The following SREBF1 variants were observed in gnomAD, a reference collection of about 807,000 sequenced individuals.
SREBF1 encodes the protein sterol regulatory element-binding protein 1.
Under a neutral mutation model 100.1 loss-of-function variants are expected in SREBF1, and 45 were observed. That is an observed-to-expected ratio of 0.45 (90% CI 0.35 to 0.58). The LOEUF (loss-of-function observed/expected upper bound fraction) is 0.58, where lower values mean the gene tolerates loss of function less well. Among genes scored for constraint, SREBF1 ranks in the 20% least tolerant of loss-of-function variants. The pLI is 0.00. For missense variants in SREBF1, 1,324 were observed against 1,539.4 expected, an observed-to-expected ratio of 0.86 and a Z score of 2.34; for synonymous variants, 657 against 681.8, an observed-to-expected ratio of 0.96 and a Z score of 0.57.
At chr17:17,828,082 G>A (rs1423209485) in intron 1 of SREBF1, among the ~76,000 whole-genome samples, 1 of 152,184 alleles carries the variant, frequency 6.6e-6, no homozygotes, top group African/African-American at 2.4e-5. Context: ...GCTGACCACA[G>A]CAGGGACCCC....
chr17:17,834,858 C>CA (rs1033507411), intron 1 of SREBF1, among the ~76,000 whole-genome samples: 1 of 152,084 alleles, frequency 6.6e-6, no homozygotes, highest in Non-Finnish European at 1.5e-5. Flanking sequence ...ACTAAAAATA[C>CA]AAAAAATTAG....
chr17:17,817,526 G>C lies in SREBF1; in HGVS notation c.1405-69C>G, dbSNP rs568941442. 1.7e-5 allele frequency: 26 copies of C among 1,540,756 alleles called. No individual in the cohort carries two copies. Among genetic ancestry groups the C allele is most frequent in the Middle Eastern group, 1.7e-4 (1 of 5,966 alleles). On this transcript the variant is annotated intron_variant, in intron 7 of 18. Coordinates refer to ENST00000261646, the MANE Select transcript of SREBF1 (RefSeq NM_004176.5). The surrounding 1 kb of genome is among the most constrained non-coding windows in gnomAD (Gnocchi z 6.6). ...CCCAGAGAGCATGGGGCTGGGAAGG[G>C]GGGGGTCAGGATTCTGCCCACCTTA...
Position 17,820,295 on chromosome 17 carries a change from T to G in SREBF1, c.318A>C (p.Pro106=). ...CGGGCATGGACGGGTACATCTTCAA[T>G]GGAGTGGGTGCAGGCTGGGGAGGGG... The part of the protein sequence containing the change: ...PLSPPQPAPT[P]LKMYPSMPAF... The change falls in exon 2 of 19, where the codon CCA becomes CCC. Residue 106 remains proline, a synonymous_variant. Transcript: ENST00000261646. 6.2e-7 allele frequency: 1 copy of G among 1,613,714 alleles called. No individual in the cohort carries two copies. The highest frequency in any genetic ancestry group is 8.5e-7 in the Non-Finnish European group (1 of 1,179,910).
chr17:17,832,875 C>T (rs867653088), intron 1 of SREBF1, among the ~76,000 whole-genome samples: 64 of 151,562 alleles, frequency 4.2e-4, no homozygotes, highest in African/African-American at 1.5e-3. Context: ...GAGCCGAGAT[C>T]GCGCCACTGC....
At chr17:17,818,040 G>C (rs1057351539) in intron 6 of SREBF1, 124 bp from the exon 7 acceptor site, 46 of 1,123,250 alleles carry the variant, frequency 4.1e-5, no homozygotes, top group South Asian at 1.3e-5. Context: ...CGCTTTGATG[G>C]GGCTGGGTTA....
intron 9 of SREBF1, 84 bp from the exon 10 acceptor site, chr17:17,816,802 T>C: frequency 6.4e-7 from 1 of 1,573,842 alleles, no homozygotes; most frequent in Non-Finnish European, 8.6e-7. Context: ...CAGCAGGCTC[T>C]GGAGGGGTGG....
chr17:17,833,966 G>C (rs2035065998), intron 1 of SREBF1, among the ~76,000 whole-genome samples: 1 of 149,554 alleles, frequency 6.7e-6, no homozygotes, highest in Admixed American at 6.7e-5. Flanking sequence ...GCGAGACCCT[G>C]TCTCAAAAAA....
chr17:17,814,851 G>A lies in SREBF1; in HGVS notation c.2586C>T (p.Ser862=), dbSNP rs2033375886. The change falls in exon 14 of 19, where the codon AGC becomes AGT. Residue 862 remains serine (S), a synonymous_variant. Coordinates refer to ENST00000261646, the MANE Select transcript of SREBF1 (RefSeq NM_004176.5). ...GGGACTCACCGGTGGTGGTGGCCATGCTGGAACTGATGGAGAAGCTGTAGG... is the reference window on the plus strand; with the variant it reads ...GGGACTCACCGGTGGTGGTGGCCATACTGGAACTGATGGAGAAGCTGTAGG... ...APAYSFSISS[S]MATTTGVDPV... The A allele has an allele frequency of 6.3e-7, 1 of 1,594,696 alleles. No homozygotes were observed. The highest frequency in any genetic ancestry group is 2.3e-5 in the East Asian group (1 of 44,220).
rs1171278509 is a variant in SREBF1 at position 17,832,058 on chromosome 17, G to A, written c.91+4669C>T. On this transcript the variant is annotated intron_variant, in intron 1 of 18. Transcript: ENST00000261646. ...GGCCCCCAGAGTAGCCCCTGTGGAGGAGCCTCCCTCAACCCCTCATCCCCA... is the reference window on the plus strand; with the variant it reads ...GGCCCCCAGAGTAGCCCCTGTGGAGAAGCCTCCCTCAACCCCTCATCCCCA... Among the ~76,000 whole-genome samples the A allele has an allele frequency of 5.9e-5, 9 of 152,272 alleles. No homozygotes were observed. In the East Asian group the frequency reaches 1.4e-3, roughly 23 times the overall value.
At position 17,819,532 on chromosome 17, in the gene SREBF1, C is replaced by A. The variant is rs746010358; in HGVS notation, c.711+6G>T. On this transcript the variant is annotated splice_donor_region_variant and intron_variant, in intron 3 of 18. Coordinates refer to ENST00000261646, the MANE Select transcript of SREBF1 (RefSeq NM_004176.5). ...CCCTCCCCAACCCCTGGCCAGACCC[C>A]CTCACCGGGACCTGCTGGATCTGCG... is the stretch of plus-strand genomic sequence containing the variant. 1 of 1,613,580 alleles carries A rather than the reference C, an allele frequency of 6.2e-7. No individual in the cohort carries two copies. The highest frequency in any genetic ancestry group is 1.1e-5 in the South Asian group (1 of 91,072).
chr17:17,833,480 C>T (rs1292675511), intron 1 of SREBF1, among the ~76,000 whole-genome samples: 1 of 126,632 alleles, frequency 7.9e-6, no homozygotes, highest in African/African-American at 3.3e-5. Flanking sequence ...TATATACACA[C>T]ACACATACAG....
chr17:17,815,532 A>C, intron 12 of SREBF1: 1 of 600,042 alleles, frequency 1.7e-6, no homozygotes, highest in Non-Finnish European at 3.0e-6. Flanking sequence ...AGGAGACAAC[A>C]CTGAGGCCTG....
At chr17:17,813,892 C>A (rs1219101129) in intron 16 of SREBF1, 123 bp from the exon 17 acceptor site, 1 of 1,039,008 alleles carries the variant, frequency 9.6e-7, no homozygotes, top group Non-Finnish European at 1.4e-6. Flanking sequence ...CCGCCTCACA[C>A]ACGTGCAATG....
At chr17:17,825,550 G>T (rs1193770428) in intron 1 of SREBF1, among the ~76,000 whole-genome samples, 1 of 151,972 alleles carries the variant, frequency 6.6e-6, no homozygotes, top group Non-Finnish European at 1.5e-5. Context: ...GAAACTCAAG[G>T]CCTGGCCAAA....
rs1598110729 is a variant in SREBF1 at position 17,814,029 on chromosome 17, C to G, written c.2901+216G>C. ...GGATCCTACCACACCATCCACCCCC[C>G]TCCTCCCAGGGATGGGGAAACTGAG... On this transcript the variant is annotated intron_variant, in intron 16 of 18. Coordinates refer to ENST00000261646, the MANE Select transcript of SREBF1 (RefSeq NM_004176.5). 6.1e-6 allele frequency: 4 copies of G among 660,432 alleles called. No homozygotes were observed. In the Admixed American group the frequency reaches 1.1e-4, roughly 18 times the overall value. 40.9% of individuals were successfully genotyped at this position (660,432 alleles called of 1,614,324 possible).
In SREBF1 at chr17:17,814,725, C is replaced by A; in HGVS notation, c.2625G>T (p.Trp875Cys). Residue 875 changes from tryptophan (W) to cysteine (C), a missense_variant, in exon 15 of 19, where the codon TGG becomes TGT. Trp to Cys is a radical substitution (Grantham distance 215). Coordinates refer to ENST00000261646, the MANE Select transcript of SREBF1 (RefSeq NM_004176.5). ...TCACCACAGCTGTCAGAGAGGCCCA[C>A]CACTTGGCCACCGGGTCTACGCCTG... The part of the protein sequence containing the change: ...TTTGVDPVAK[W>C]WASLTAVVIH... 1 of 1,609,820 alleles carries A rather than the reference C, an allele frequency of 6.2e-7. No individual in the cohort carries two copies. Among genetic ancestry groups the A allele is most frequent in the East Asian group, 2.2e-5 (1 of 44,792 alleles).
chr17:17,817,474 G>C lies in SREBF1; in HGVS notation c.1405-17C>G, dbSNP rs756887361. ...TGGCTTTGCCTGGTGGGGTTGGGCA[G>C]GGTGGTGAGGGCAGAATCGGAGGGA... On this transcript the variant is annotated splice_polypyrimidine_tract_variant and intron_variant, in intron 7 of 18. Transcript: ENST00000261646. This position sits in a 1 kb window ranked among gnomAD's most constrained non-coding sequence, Gnocchi z 6.6. 2.4e-5 allele frequency: 37 copies of C among 1,571,480 alleles called. No individual in the cohort carries two copies. The highest frequency in any genetic ancestry group is 3.2e-5 in the Non-Finnish European group (37 of 1,158,272).
chr17:17,812,488 A>T lies in SREBF1; in HGVS notation c.*134T>A. ...CGGGCCTTCCACCGCGAAGGCACAC[A>T]GCAGCCGCAGGTCGAACTGTGGAGG... is the stretch of plus-strand genomic sequence containing the variant. On this transcript the variant is annotated 3_prime_UTR_variant, in exon 19 of 19. Transcript: ENST00000261646. 1 of 934,608 alleles carries T rather than the reference A, an allele frequency of 1.1e-6. No individual in the cohort carries two copies. Among genetic ancestry groups the T allele is most frequent in the Non-Finnish European group, 1.6e-6 (1 of 626,928 alleles). The allele number at this position is 934,608 out of a possible 1,614,324, so 57.9% of individuals were successfully genotyped here. A position where few individuals can be genotyped will look rare whatever the true frequency, so the allele number is the denominator to read the frequency against.
rs561929468 is a variant in SREBF1 at position 17,817,190 on chromosome 17, A to G, written c.1607-54T>C. On this transcript the variant is annotated intron_variant, in intron 8 of 18. Transcript: ENST00000261646. The surrounding 1 kb of genome is among the most constrained non-coding windows in gnomAD (Gnocchi z 6.6). Reference sequence around the variant, plus strand: ...AGCTCCCAGGAAATCCAGAGCCCCAAGTTCACAAGCCTGGGGGCTCACCCC... The same window carrying G: ...AGCTCCCAGGAAATCCAGAGCCCCAGGTTCACAAGCCTGGGGGCTCACCCC... 38 of 1,612,110 alleles carry G rather than the reference A, an allele frequency of 2.4e-5. 1 individual carries two copies. Among genetic ancestry groups the G allele is most frequent in the South Asian group, 2.1e-4 (19 of 91,032 alleles).
Sources: gnomAD v4.1 joint callset for allele counts (sites outside exome capture counted in the v4.1 genomes callset) on GRCh38, gnomAD v4.1.1 for gene constraint, Gnocchi (gnomAD v3.1) non-coding constraint, MANE v1.5 for transcripts, NCBI Gene and HGNC (gene_info 2026-07-23, HGNC 2026-07-21) for gene names.